The following BLK variants were observed in gnomAD, a reference collection of about 807,000 sequenced individuals.
BLK encodes tyrosine-protein kinase Blk.
In BLK, 64 loss-of-function variants were observed where a neutral mutation model predicts 61.8. The observed-to-expected ratio is 1.03, with a 90% CI of 0.85 to 1.27. The LOEUF (loss-of-function observed/expected upper bound fraction) is 1.27, where lower values mean the gene tolerates loss of function less well. BLK is among the 50% of genes most tolerant of loss of function. The probability of loss-of-function intolerance (pLI) is 0.00; values close to 1 mark genes in which losing one functional copy is unlikely to be tolerated. For missense variants in BLK, 853 were observed against 660.5 expected (o/e 1.29, Z -3.19); for synonymous variants, 351 against 272.0 (o/e 1.29, Z -2.86).
At chr8:11,540,473 A>C (rs1010685935) in intron 1 of BLK, among the ~76,000 whole-genome samples, 2 of 152,190 alleles carry the variant, frequency 1.3e-5, no homozygotes, top group Admixed American at 6.5e-5. Flanking sequence ...GACTTAATTT[A>C]GTCATGTAAA....
chr8:11,551,330 C>G (rs1004046352), intron 6 of BLK, among the ~76,000 whole-genome samples: 13 of 152,208 alleles, frequency 8.5e-5, no homozygotes, highest in Non-Finnish European at 1.3e-4. Context: ...GGAGCTCTCT[C>G]CTTGGCTTGC....
chr8:11,510,768 C>G (rs1051049544), intron 1 of BLK, among the ~76,000 whole-genome samples: 3 of 146,550 alleles, frequency 2.0e-5, no homozygotes, highest in South Asian at 2.2e-4. Flanking sequence ...GACAGAGACT[C>G]CATCTCAAAT....
chr8:11,532,846 G>C lies in BLK; in HGVS notation c.-1-10378G>C, dbSNP rs76277309. On this transcript the variant is annotated intron_variant, in intron 1 of 12. Transcript: ENST00000259089. ...CGCTGAATATTATCGTGTTTCTTTA[G>C]AGAGTGTCACACTTGCATGTGGCAC... is the stretch of plus-strand genomic sequence containing the variant. 7.2e-5 allele frequency among the ~76,000 whole-genome samples: 11 copies of C among 152,346 alleles called. No individual in the cohort carries two copies. The East Asian group carries it at 2.1e-3, about 29-fold the overall frequency.
At chr8:11,516,200 T>TTTAATGGACTCATTTAATG (rs1799218437) in intron 1 of BLK, among the ~76,000 whole-genome samples, 1 of 152,218 alleles carries the variant, frequency 6.6e-6, no homozygotes, top group African/African-American at 2.4e-5. Context: ...AATGAGTCCC[T>TTTAATGGACTCATTTAATG]GGAGTAGTCC....
chr8:11,515,577 T>C (rs1799191267), intron 1 of BLK, among the ~76,000 whole-genome samples: 1 of 152,236 alleles, frequency 6.6e-6, no homozygotes, highest in Non-Finnish European at 1.5e-5. Context: ...TCTGGATGCC[T>C]GCCTCTATTT....
At chr8:11,498,077 C>A (rs1362412359) in intron 1 of BLK, among the ~76,000 whole-genome samples, 2 of 152,216 alleles carry the variant, frequency 1.3e-5, no homozygotes, top group Non-Finnish European at 2.9e-5. Context: ...ACATTGTAAT[C>A]AAGGAAGTTT....
intron 8 of BLK, 198 bp downstream of exon 8, chr8:11,555,682 A>G: frequency 1.2e-6 from 1 of 828,956 alleles, no homozygotes; most frequent in Non-Finnish European, 1.9e-6. Context: ...GGGACCGCTT[A>G]TGGTGGTGGC....
intron 1 of BLK, among the ~76,000 whole-genome samples, chr8:11,513,832 T>C (rs1179449560): frequency 2.0e-5 from 3 of 152,182 alleles, no homozygotes; most frequent in African/African-American, 4.8e-5. Flanking sequence ...CGCCGCGCAC[T>C]GCATGAGAAC....
intron 1 of BLK, among the ~76,000 whole-genome samples, chr8:11,529,334 T>C (rs926477827): frequency 6.6e-6 from 1 of 152,134 alleles, no homozygotes; most frequent in Non-Finnish European, 1.5e-5. Context: ...AAGAATAATT[T>C]GGTGGGTGGA....
At chr8:11,515,345 AG>A (rs559852438) in intron 1 of BLK, among the ~76,000 whole-genome samples, 169 of 152,222 alleles carry the variant, frequency 1.1e-3, no homozygotes, top group African/African-American at 3.8e-3. Flanking sequence ...GAGGTCTGGA[AG>A]CCGGCCTCCT....
At chr8:11,547,137 T>C (rs1321341498) in intron 3 of BLK, among the ~76,000 whole-genome samples, 1 of 152,252 alleles carries the variant, frequency 6.6e-6, no homozygotes, top group Non-Finnish European at 1.5e-5. Context: ...GTCCCAGGAA[T>C]GGCGAAGGGG....
rs1169852641 is a variant in BLK at position 11,554,793 on chromosome 8, A to G, written c.523A>G (p.Lys175Glu). The part of the protein sequence containing the change: ...KDVTTQGELI[K>E]HYKIRCLDEG... ...TGTCACCACCCAGGGGGAGCTGATC[A>G]AGCACTATAAGATCCGCTGCCTGGA... Residue 175 changes from lysine to glutamate, a missense_variant, in exon 7 of 13, where the codon AAG (lysine) becomes GAG (glutamate). Transcript: ENST00000259089. The G allele has an allele frequency of 2.5e-6, 4 of 1,613,952 alleles. No homozygotes were observed. Among genetic ancestry groups the G allele is most frequent in the South Asian group, 2.2e-5 (2 of 91,088 alleles).
chr8:11,503,027 C>T (rs1798628077), intron 1 of BLK, among the ~76,000 whole-genome samples: 1 of 152,196 alleles, frequency 6.6e-6, no homozygotes, highest in African/African-American at 2.4e-5. Flanking sequence ...TCCCCTTGGG[C>T]TCCTTCTCAT....
At chr8:11,548,667 A>G (rs2117486522) in intron 4 of BLK, among the ~76,000 whole-genome samples, 1 of 152,286 alleles carries the variant, frequency 6.6e-6, no homozygotes, top group African/African-American at 2.4e-5. Flanking sequence ...CAAGCTCACG[A>G]AGGTCCTGAC....
intron 9 of BLK, 100 bp downstream of exon 9, chr8:11,556,937 G>A: frequency 1.6e-6 from 2 of 1,290,274 alleles, no homozygotes; most frequent in Non-Finnish European, 2.1e-6. Context: ...AGGCCAGGGG[G>A]TCCTGCAGAT....
intron 1 of BLK, among the ~76,000 whole-genome samples, chr8:11,536,908 G>A (rs1379016395): frequency 6.6e-6 from 1 of 152,144 alleles, no homozygotes; most frequent in Non-Finnish European, 1.5e-5. Flanking sequence ...ATGGAATCGG[G>A]TGCATGCCTT....
At chr8:11,540,778 C>G (rs1800338099) in intron 1 of BLK, among the ~76,000 whole-genome samples, 1 of 151,230 alleles carries the variant, frequency 6.6e-6, no homozygotes, top group Admixed American at 6.6e-5. Context: ...GCCCCAGACA[C>G]AGATGGCTTC....
intron 1 of BLK, among the ~76,000 whole-genome samples, chr8:11,497,871 G>C (rs951814552): frequency 1.3e-5 from 2 of 152,166 alleles, no homozygotes; most frequent in African/African-American, 2.4e-5. Flanking sequence ...GGGGCTTCCT[G>C]CCAGCCAGGT....
At chr8:11,534,399 T>G (rs1025751140) in intron 1 of BLK, among the ~76,000 whole-genome samples, 2 of 152,180 alleles carry the variant, frequency 1.3e-5, no homozygotes, top group African/African-American at 4.8e-5. Context: ...TTACATGGTG[T>G]TCCCCCCCCA....
Sources: allele counts gnomAD v4.1 joint callset (sites outside exome capture counted in the v4.1 genomes callset), GRCh38; gene constraint gnomAD v4.1.1; transcripts MANE v1.5; gene names NCBI Gene and HGNC (gene_info 2026-07-23, HGNC 2026-07-21).